BLK: variants seen among roughly 807,000 people sequenced by gnomAD.
The protein encoded by BLK is BLK proto-oncogene, Src family tyrosine kinase.
BLK carries 64 observed loss-of-function variants against 61.8 expected under a neutral mutation model. That is an observed-to-expected ratio of 1.03 (90% CI 0.85 to 1.27). The LOEUF (loss-of-function observed/expected upper bound fraction) is 1.27, where lower values mean the gene tolerates loss of function less well. Among genes scored for constraint, BLK ranks in the 50% most tolerant of loss-of-function variants. The probability of loss-of-function intolerance (pLI) is 0.00; values close to 1 mark genes in which losing one functional copy is unlikely to be tolerated. For synonymous variants in BLK, 351 were observed against 272.0 expected (o/e 1.29, Z -2.86); for missense variants, 853 against 660.5 (o/e 1.29, Z -3.19).
chr8:11,563,250 A>T (rs187376829), intron 12 of BLK, 140 bp downstream of exon 12: 312 of 1,282,266 alleles, frequency 2.4e-4, no homozygotes, highest in Non-Finnish European at 2.7e-4. Context: ...CAGGCATGGC[A>T]TCTGGGGTGG....
At chr8:11,506,542 T>C (rs912990804) in intron 1 of BLK, among the ~76,000 whole-genome samples, 4 of 152,136 alleles carry the variant, frequency 2.6e-5, no homozygotes, top group African/African-American at 9.7e-5. Context: ...AGTCCACAGC[T>C]TGGTGTGCAA....
At chr8:11,505,074 A>G (rs1798718500) in intron 1 of BLK, among the ~76,000 whole-genome samples, 1 of 152,156 alleles carries the variant, frequency 6.6e-6, no homozygotes, top group Admixed American at 6.5e-5. Flanking sequence ...ATGTAGAAAT[A>G]CCTAGACACA....
At chr8:11,550,817 C>A (rs1421839684) in intron 6 of BLK, among the ~76,000 whole-genome samples, 1 of 152,234 alleles carries the variant, frequency 6.6e-6, no homozygotes, top group East Asian at 1.9e-4. Context: ...CTTTCTCTGT[C>A]ATTTGGCTTT....
chr8:11,547,200 C>T (rs1424458204), intron 3 of BLK, among the ~76,000 whole-genome samples: 1 of 152,280 alleles, frequency 6.6e-6, no homozygotes, highest in East Asian at 1.9e-4. Context: ...ATCTGTCACA[C>T]TTGTGAGCAG....
chr8:11,563,685 C>CA (rs1801594213), intron 12 of BLK, among the ~76,000 whole-genome samples: 1 of 152,240 alleles, frequency 6.6e-6, no homozygotes. Flanking sequence ...AGAAAATCTA[C>CA]AGCCTCATTT....
chr8:11,517,319 A>G (rs143941862), intron 1 of BLK, among the ~76,000 whole-genome samples: 2 of 152,336 alleles, frequency 1.3e-5, no homozygotes, highest in East Asian at 3.9e-4. Context: ...CATGAGGAAG[A>G]GAAGATGGAG....
intron 1 of BLK, among the ~76,000 whole-genome samples, chr8:11,532,943 A>T (rs2127133): frequency 6.6e-6 from 1 of 152,226 alleles, no homozygotes; most frequent in Non-Finnish European, 1.5e-5. Flanking sequence ...CTTCAGCAAG[A>T]CCTTAAGCCT....
At chr8:11,563,878 C>G (rs760377221) in intron 12 of BLK, 25 bp from the exon 13 acceptor site, 2 of 1,600,332 alleles carry the variant, frequency 1.2e-6, no homozygotes, top group Admixed American at 1.7e-5. Context: ...CCCCTCACCC[C>G]CGCTTGCGGT....
At chr8:11,536,484 G>C (rs1800138085) in intron 1 of BLK, among the ~76,000 whole-genome samples, 1 of 152,192 alleles carries the variant, frequency 6.6e-6, no homozygotes. Flanking sequence ...TCCACCTCCT[G>C]GTTTCAAGCG....
intron 1 of BLK, among the ~76,000 whole-genome samples, chr8:11,503,021 C>G (rs1244411843): frequency 6.6e-6 from 1 of 152,180 alleles, no homozygotes; most frequent in African/African-American, 2.4e-5. Context: ...AGGATGTCCC[C>G]TTGGGCTCCT....
intron 2 of BLK, among the ~76,000 whole-genome samples, chr8:11,545,366 T>G (rs1309677812): frequency 6.6e-6 from 1 of 152,174 alleles, no homozygotes; most frequent in Non-Finnish European, 1.5e-5. Flanking sequence ...CTGGCCAACA[T>G]GGCGAAAACC....
intron 10 of BLK, chr8:11,559,670 C>G (rs1006818879): frequency 2.2e-6 from 1 of 447,250 alleles, no homozygotes; most frequent in Non-Finnish European, 4.5e-6. Context: ...CACAGGAACC[C>G]TGCAATCACA....
intron 1 of BLK, among the ~76,000 whole-genome samples, chr8:11,516,472 C>A (rs1211031204): frequency 6.6e-6 from 1 of 152,186 alleles, no homozygotes; most frequent in Non-Finnish European, 1.5e-5. Flanking sequence ...ACTCAAGGAA[C>A]ATTTATTAAT....
chr8:11,535,292 GA>G (rs758038482), intron 1 of BLK, among the ~76,000 whole-genome samples: 1 of 142,538 alleles, frequency 7.0e-6, no homozygotes, highest in Admixed American at 7.0e-5. Context: ...AAGAAAGAAA[GA>G]AAGAAAGAAA....
rs148146433 is a variant in BLK, at chr8:11,555,494, T to C, written c.772+10T>C. ...GGCGAAGTCTGGATGGGTGAGTGTG[T>C]GCACACGTGGGAGCATTTCTCCCCC... On this transcript the variant is annotated intron_variant, in intron 8 of 12. Transcript: ENST00000259089. 2.5e-6 allele frequency: 4 copies of C among 1,614,074 alleles called. No homozygotes were observed. Among genetic ancestry groups the C allele is most frequent in the East Asian group, 4.5e-5 (2 of 44,872 alleles).
At chr8:11,547,949 C>A in intron 3 of BLK, 83 bp from the exon 4 acceptor site, 1 of 1,169,076 alleles carries the variant, frequency 8.6e-7, no homozygotes, top group Non-Finnish European at 1.3e-6. Context: ...GAAGCCTGTC[C>A]TCCTTGGTAG....
intron 1 of BLK, among the ~76,000 whole-genome samples, chr8:11,503,645 C>A (rs1368810821): frequency 5.9e-5 from 9 of 152,190 alleles, no homozygotes; most frequent in African/African-American, 2.2e-4. Flanking sequence ...AGCAAGGGTG[C>A]TCTTTCTTGG....
intron 3 of BLK, 144 bp downstream of exon 3, chr8:11,546,247 G>T: frequency 2.0e-6 from 2 of 980,922 alleles, no homozygotes; most frequent in Non-Finnish European, 3.2e-6. Flanking sequence ...CCCCGGCTCT[G>T]TGCCTCTTGG....
chr8:11,544,675 C>T (rs937196568), intron 2 of BLK, among the ~76,000 whole-genome samples: 1 of 152,124 alleles, frequency 6.6e-6, no homozygotes, highest in African/African-American at 2.4e-5. Context: ...TATAATTACT[C>T]ATTATTCCAC....
Sources: allele counts gnomAD v4.1 joint callset (sites outside exome capture counted in the v4.1 genomes callset), GRCh38; gene constraint gnomAD v4.1.1; transcripts MANE v1.5; gene names NCBI Gene and HGNC (gene_info 2026-07-23, HGNC 2026-07-21).